The following CELA1 variants were observed in gnomAD, a reference collection of about 807,000 sequenced individuals.
CELA1 encodes the protein chymotrypsin-like elastase family member 1.
A neutral mutation model predicts 34.8 loss-of-function variants in CELA1; 28 were observed. The ratio of observed to expected loss-of-function variants is 0.80; its 90% CI spans 0.60 to 1.10. CELA1 has a LOEUF of 1.10. CELA1 is among the 50% of genes least tolerant of loss of function. The pLI, the probability that CELA1 is intolerant of heterozygous loss-of-function variation, is 0.00. For missense variants in CELA1, 288 were observed against 327.5 expected (o/e 0.88, Z 0.93); for synonymous variants, 140 against 129.8 (o/e 1.08, Z -0.53).
chr12:51,329,791 A>G lies in CELA1; in HGVS notation c.652T>C (p.Tyr218His), dbSNP rs1467695663. 6.2e-7 allele frequency: 1 copy of G among 1,612,248 alleles called. No homozygotes were observed. The highest frequency in any genetic ancestry group is 1.1e-5 in the South Asian group (1 of 90,934). ...AAGCTGGTCACTCCATGGACAGAAT[A>G]CTTGCCATTCACCAAGCAATGGAGG... Reference protein sequence around the residue: ...GPLHCLVNGKYSVHGVTSFVS... With the variant: ...GPLHCLVNGKHSVHGVTSFVS... The change falls in exon 7 of 8, where the codon TAT becomes CAT. Residue 218 changes from tyrosine to histidine, a missense_variant. Physicochemically the swap from Tyr to His is moderately conservative, Grantham distance 83 (BLOSUM62 2). Transcript: ENST00000293636.
At chr12:51,342,429 T>C (rs1218322708) in intron 4 of CELA1, 146 bp downstream of exon 4, 4 of 1,167,280 alleles carry the variant, frequency 3.4e-6, no homozygotes, top group Non-Finnish European at 4.9e-6. Flanking sequence ...GCTGGGCTCC[T>C]TAACTAAAGG....
intron 5 of CELA1, among the ~76,000 whole-genome samples, chr12:51,340,997 T>A (rs905448747): frequency 6.6e-6 from 1 of 152,136 alleles, no homozygotes; most frequent in Non-Finnish European, 1.5e-5. Flanking sequence ...AAATAAATTT[T>A]AAAAATGAGG....
Position 51,345,840 on chromosome 12 carries a change from G to A in CELA1, c.54C>T (p.Arg18=), listed in dbSNP as rs571468808. The change falls in exon 2 of 8, where the codon CGC becomes CGT. Residue 18 remains arginine (R), a synonymous_variant. Transcript: ENST00000293636. The part of the protein sequence containing the change: ...STQDLPETNA[R]VVGGTEAGRN... ...TCCCGGCCTCAGTCCCTCCGACTAC[G>A]CGGGCATTGGTTTCCGGAAGGTCCT... 18 of 1,559,796 alleles carry A rather than the reference G, an allele frequency of 1.2e-5. No individual in the cohort carries two copies. The South Asian group carries it at 1.2e-4, about 10-fold the overall frequency.
At position 51,328,541 on chromosome 12, in the gene CELA1, AC is replaced by A; in HGVS notation, c.*35del. On this transcript the variant is annotated 3_prime_UTR_variant, in exon 8 of 8. Coordinates refer to ENST00000293636, the MANE Select transcript of CELA1 (RefSeq NM_001971.6). ...CGCAAGTCCTACTGCAGATCTAAGA[AC>A]CATTTTGGGAAGGTCGTTGGACTCA... is the stretch of plus-strand genomic sequence containing the variant. 2 of 1,613,028 alleles carry A rather than the reference AC, an allele frequency of 1.2e-6. No individual in the cohort carries two copies. Among genetic ancestry groups the A allele is most frequent in the Non-Finnish European group, 1.7e-6 (2 of 1,178,984 alleles).
chr12:51,339,571 C>T (rs17860321), intron 6 of CELA1, among the ~76,000 whole-genome samples: 2,058 of 152,156 alleles, frequency 0.014, 24 homozygotes, highest in Non-Finnish European at 0.02. Flanking sequence ...ATCTAGGTAA[C>T]AAATTCTAAG....
chr12:51,345,708 G>T, intron 2 of CELA1, 87 bp downstream of exon 2: 1 of 933,206 alleles, frequency 1.1e-6, no homozygotes, highest in Non-Finnish European at 1.7e-6. Context: ...CTTGTTGATA[G>T]GGACATGCAC....
chr12:51,345,832 C>A lies in CELA1; in HGVS notation c.62G>T (p.Gly21Val). 1 of 1,559,552 alleles carries A rather than the reference C, an allele frequency of 6.4e-7. No homozygotes were observed. The highest frequency in any genetic ancestry group is 2.4e-5 in the East Asian group (1 of 41,824). Residue 21 changes from glycine (G) to valine (V), a missense_variant, in exon 2 of 8, where the codon GGA becomes GTA. Physicochemically the swap from Gly to Val is moderately radical, Grantham distance 109 (BLOSUM62 -3). Coordinates refer to ENST00000293636, the MANE Select transcript of CELA1 (RefSeq NM_001971.6). ...DLPETNARVV[G>V]GTEAGRNSWP... The stretch of plus-strand genomic sequence containing the variant: ...GGAATTCCTCCCGGCCTCAGTCCCT[C>A]CGACTACGCGGGCATTGGTTTCCGG...
intron 6 of CELA1, among the ~76,000 whole-genome samples, chr12:51,331,693 G>A (rs571314073): frequency 2.0e-5 from 3 of 152,240 alleles, no homozygotes; most frequent in African/African-American, 7.2e-5. Flanking sequence ...TGGAGTTTCC[G>A]GGAAAACCCA....
chr12:51,335,615 T>G (rs895689683), intron 6 of CELA1, among the ~76,000 whole-genome samples: 5 of 149,666 alleles, frequency 3.3e-5, no homozygotes, highest in African/African-American at 1.2e-4. Flanking sequence ...GCTACCAGAC[T>G]TTTTTTGTTC....
Position 51,328,526 on chromosome 12 carries a change from A to G in CELA1, c.*51T>C, listed in dbSNP as rs2137472566. 2.5e-6 allele frequency: 4 copies of G among 1,597,794 alleles called. No homozygotes were observed. The highest frequency in any genetic ancestry group is 2.6e-6 in the Non-Finnish European group (3 of 1,165,148). On this transcript the variant is annotated 3_prime_UTR_variant, in exon 8 of 8. Transcript: ENST00000293636. ...GTTTTACTTTTTGATCGCAAGTCCT[A>G]CTGCAGATCTAAGAACCATTTTGGG...
In CELA1 at chr12:51,341,398, A is replaced by G. The variant is rs754204953; in HGVS notation, c.327-18T>C. On this transcript the variant is annotated intron_variant, in intron 4 of 7. Transcript: ENST00000293636. Reference sequence around the variant, plus strand: ...TGTCATAGCTGCAGGAGAAAAGGAGACTGCTCACTCATGGGATCAGCTCTT... The same window carrying G: ...TGTCATAGCTGCAGGAGAAAAGGAGGCTGCTCACTCATGGGATCAGCTCTT... 6 of 1,613,732 alleles carry G rather than the reference A, an allele frequency of 3.7e-6. No individual in the cohort carries two copies. The highest frequency in any genetic ancestry group is 5.1e-6 in the Non-Finnish European group (6 of 1,179,968).
At chr12:51,343,592 G>T (rs533182523) in intron 3 of CELA1, among the ~76,000 whole-genome samples, 161 bp downstream of exon 3, 1 of 152,196 alleles carries the variant, frequency 6.6e-6, no homozygotes, top group Non-Finnish European at 1.5e-5. Flanking sequence ...TCCAAAGTTT[G>T]TACTTTCACC....
chr12:51,328,693 T>G (rs576137653), intron 7 of CELA1, 99 bp from the exon 8 acceptor site: 2 of 1,373,366 alleles, frequency 1.5e-6, no homozygotes, highest in South Asian at 2.4e-5. Flanking sequence ...GTACTGGGTT[T>G]ATGGGAAGTT....
At position 51,339,852 on chromosome 12, in the gene CELA1, A is replaced by T; in HGVS notation, c.609+8T>A. 1 of 1,604,968 alleles carries T rather than the reference A, an allele frequency of 6.2e-7. No homozygotes were observed. Among genetic ancestry groups the T allele is most frequent in the Non-Finnish European group, 8.5e-7 (1 of 1,175,350 alleles). The stretch of plus-strand genomic sequence containing the variant: ...GGACCTGGGGTGGGACCCCCTGCAA[A>T]TGTTCACCTGGCATCCAGAGCGAAC... On this transcript the variant is annotated splice_region_variant and intron_variant, in intron 6 of 7. Transcript: ENST00000293636.
chr12:51,342,682 C>T lies in CELA1; in HGVS notation c.219G>A (p.Val73=), dbSNP rs761327981. The stretch of plus-strand genomic sequence containing the variant: ...GGCTCAGGTTATGGTCTCCAGCCAC[C>T]ACGCGGAAAGTCTTCTGGCTGGCGT... ...HCVDYQKTFR[V]VAGDHNLSQN... is the part of the protein sequence containing the mutation. Residue 73 remains valine, a synonymous_variant, in exon 4 of 8, where the codon GTG becomes GTA. Transcript: ENST00000293636. 1 of 1,614,162 alleles carries T rather than the reference C, an allele frequency of 6.2e-7. No homozygotes were observed. The highest frequency in any genetic ancestry group is 8.5e-7 in the Non-Finnish European group (1 of 1,180,004).
chr12:51,342,727 T>C (rs1191070594), intron 3 of CELA1, 27 bp from the exon 4 acceptor site: 3 of 1,613,684 alleles, frequency 1.9e-6, no homozygotes, highest in Admixed American at 1.7e-5. Context: ...AATCCCTGAG[T>C]CATCCAGGGG....
chr12:51,332,226 AAACCTAGAAT>A (rs1222381770), intron 6 of CELA1, among the ~76,000 whole-genome samples: 1 of 152,070 alleles, frequency 6.6e-6, no homozygotes, highest in Non-Finnish European at 1.5e-5. Context: ...AATGAAAAGT[AAACCTAGAAT>A]ATATTACATG....
chr12:51,344,748 C>G (rs941509854), intron 2 of CELA1, among the ~76,000 whole-genome samples: 5 of 152,152 alleles, frequency 3.3e-5, no homozygotes, highest in African/African-American at 1.2e-4. Flanking sequence ...ATCACCTAAG[C>G]CCAACAGGCT....
chr12:51,334,525 C>A (rs965968834), intron 6 of CELA1, among the ~76,000 whole-genome samples: 1 of 152,156 alleles, frequency 6.6e-6, no homozygotes, highest in South Asian at 2.1e-4. Context: ...GCTCCACCTC[C>A]CCGGTTCACA....
Sources: gnomAD v4.1 joint callset for allele counts (sites outside exome capture counted in the v4.1 genomes callset) on GRCh38, gnomAD v4.1.1 for gene constraint, MANE v1.5 for transcripts, NCBI Gene and HGNC (gene_info 2026-07-23, HGNC 2026-07-21) for gene names.